Variants in SMPX observed in about 807,000 individuals in gnomAD.
SMPX encodes the protein small muscular protein.
A neutral mutation model predicts 6.3 loss-of-function variants in SMPX; 2 were observed. That is an observed-to-expected ratio of 0.32 (90% confidence interval 0.13 to 0.99). The LOEUF (loss-of-function observed/expected upper bound fraction) is 0.99, where lower values mean the gene tolerates loss of function less well. Among genes scored for constraint, SMPX ranks in the 50% least tolerant of loss-of-function variants. SMPX has a pLI of 0.49. For synonymous variants in SMPX, 32 were observed against 24.7 expected (o/e 1.30, Z -0.88); for missense variants, 60 against 66.8 (o/e 0.90, Z 0.36).
At chrX:21,754,898 A>G (rs1295040650) in intron 1 of SMPX, among the ~76,000 whole-genome samples, 2 of 112,308 alleles carry the variant, frequency 1.8e-5, no homozygotes, top group African/African-American at 3.2e-5. Context: ...CCCCTACCCA[A>G]TGCTTTTGAT....
At chrX:21,715,262 C>CTG (rs34947234) in intron 4 of SMPX, among the ~76,000 whole-genome samples, 10,522 of 94,451 alleles carry the variant, frequency 0.11, 550 homozygotes, top group South Asian at 0.15. Flanking sequence ...TCACTCTGCT[C>CTG]TGTGTGTGTG....
At chrX:21,750,138 C>T (rs1388734486) in intron 2 of SMPX, among the ~76,000 whole-genome samples, 1 of 111,735 alleles carries the variant, frequency 8.9e-6, no homozygotes, top group Non-Finnish European at 1.9e-5. Context: ...CACTTGGTCT[C>T]ATTAGAGAGA....
chrX:21,726,459 T>A (rs1346622746), intron 4 of SMPX, among the ~76,000 whole-genome samples: 2 of 112,628 alleles, frequency 1.8e-5, no homozygotes, highest in East Asian at 5.5e-4. Context: ...ATTCCATTGC[T>A]CCTGGGACTC....
rs752712862 is a variant in SMPX at position 21,741,504 on chromosome X, C to T, written c.132+2246G>A. On this transcript the variant is annotated intron_variant, in intron 3 of 4. Coordinates refer to ENST00000379494, the MANE Select transcript of SMPX (RefSeq NM_014332.3). Reference sequence around the variant, plus strand: ...CCTGAAGCTAATTGACAAAATCCTACTTAACCCACCCTGTGGCCAAGCCAA... The same window carrying T: ...CCTGAAGCTAATTGACAAAATCCTATTTAACCCACCCTGTGGCCAAGCCAA... Among the ~76,000 whole-genome samples, 4 of 111,527 alleles carry T rather than the reference C, an allele frequency of 3.6e-5. No individual in the cohort carries two copies. In the South Asian group the frequency reaches 1.5e-3, roughly 42 times the overall value.
chrX:21,710,651 A>G (rs2092777657), intron 4 of SMPX, among the ~76,000 whole-genome samples: 1 of 111,620 alleles, frequency 9.0e-6, no homozygotes, highest in East Asian at 2.8e-4. Context: ...AATGCATGGA[A>G]TTCTTAACAT....
rs1461445335 is a variant in SMPX, at chrX:21,713,458, T to C, written c.*15-7064A>G. On this transcript the variant is annotated intron_variant, in intron 4 of 4. Coordinates refer to ENST00000379494, the MANE Select transcript of SMPX (RefSeq NM_014332.3). ...TGTGTAATTTATAAAGAAAAAGAGG[T>C]TTGATGGACTCACAGTTCCACATGG... 1.2e-4 allele frequency among the ~76,000 whole-genome samples: 13 copies of C among 111,785 alleles called. 1 individual carries two copies.
At chrX:21,725,679 C>A (rs1243170569) in intron 4 of SMPX, among the ~76,000 whole-genome samples, 5 of 112,164 alleles carry the variant, frequency 4.5e-5, no homozygotes, top group Admixed American at 2.8e-4. Context: ...ATGCCTCCTC[C>A]AGGAGAAAGA....
chrX:21,712,034 C>T (rs1369164172), intron 4 of SMPX, among the ~76,000 whole-genome samples: 1 of 112,149 alleles, frequency 8.9e-6, no homozygotes, highest in Non-Finnish European at 1.9e-5. Context: ...GTGCAAGCTA[C>T]AACTAAGGCT....
At chrX:21,717,618 C>G (rs2092786683) in intron 4 of SMPX, among the ~76,000 whole-genome samples, 1 of 111,950 alleles carries the variant, frequency 8.9e-6, no homozygotes, top group Admixed American at 9.5e-5. Context: ...TGTGGATACA[C>G]TAGTGGACAA....
chrX:21,738,782 A>G (rs1479521226), intron 3 of SMPX, among the ~76,000 whole-genome samples: 1 of 109,886 alleles, frequency 9.1e-6, no homozygotes, highest in African/African-American at 3.3e-5. Flanking sequence ...GAGACTTGGG[A>G]CTCCTCTGCG....
At chrX:21,711,306 T>C (rs2092778462) in intron 4 of SMPX, among the ~76,000 whole-genome samples, 1 of 111,665 alleles carries the variant, frequency 9.0e-6, no homozygotes. Flanking sequence ...TGTCAGGGTG[T>C]TGGAATGCAA....
chrX:21,723,696 A>G lies in SMPX; in HGVS notation c.*14+13853T>C, dbSNP rs887035562. On this transcript the variant is annotated intron_variant, in intron 4 of 4. Transcript: ENST00000379494. ...CAGTTCGCACCATAGCATAGGCTGC[A>G]GGAACTCAACCAGTAATGGAAGGTT... Among the ~76,000 whole-genome samples, 11 of 112,126 alleles carry G rather than the reference A, an allele frequency of 9.8e-5. No individual in the cohort carries two copies. In the East Asian group the frequency reaches 3.1e-3, roughly 32 times the overall value.
At chrX:21,737,196 G>C (rs1358871668) in intron 4 of SMPX, among the ~76,000 whole-genome samples, 2 of 111,430 alleles carry the variant, frequency 1.8e-5, no homozygotes, top group African/African-American at 3.3e-5. Context: ...TGATACCTGG[G>C]TGAGGAAACT....
At chrX:21,734,754 C>T (rs1013872015) in intron 4 of SMPX, among the ~76,000 whole-genome samples, 12 of 111,197 alleles carry the variant, frequency 1.1e-4, no homozygotes, top group African/African-American at 3.9e-4. Context: ...TTTCTGGTGC[C>T]CAACGGGGTA....
chrX:21,715,972 C>G (rs2092784700), intron 4 of SMPX, among the ~76,000 whole-genome samples: 1 of 111,903 alleles, frequency 8.9e-6, no homozygotes, highest in South Asian at 3.8e-4. Flanking sequence ...AAAATGATCT[C>G]AAACCTGAGC....
chrX:21,751,324 A>G (rs1209554843), intron 2 of SMPX, among the ~76,000 whole-genome samples: 4 of 112,364 alleles, frequency 3.6e-5, no homozygotes, highest in African/African-American at 1.3e-4. Flanking sequence ...CCATAAAACT[A>G]GTATTCCAAG....
intron 3 of SMPX, among the ~76,000 whole-genome samples, chrX:21,743,434 T>TACACAC (rs10628502): frequency 9.2e-6 from 1 of 108,590 alleles, no homozygotes; most frequent in Non-Finnish European, 1.9e-5. Flanking sequence ...CACACACGCA[T>TACACAC]ACACACAATC....
chrX:21,723,658 G>A (rs1356016547), intron 4 of SMPX, among the ~76,000 whole-genome samples: 1 of 112,081 alleles, frequency 8.9e-6, no homozygotes, highest in Non-Finnish European at 1.9e-5. Context: ...TGGGTATCCA[G>A]GCACTGTGAC....
At chrX:21,715,812 G>A (rs1350214081) in intron 4 of SMPX, among the ~76,000 whole-genome samples, 8 of 111,442 alleles carry the variant, frequency 7.2e-5, no homozygotes, top group Non-Finnish European at 1.5e-4. Context: ...GGGTACTACT[G>A]GCATTTGGTG....
Sources: gnomAD v4.1 joint callset for allele counts (sites outside exome capture counted in the v4.1 genomes callset) on GRCh38, gnomAD v4.1.1 for gene constraint, MANE v1.5 for transcripts, NCBI Gene and HGNC (gene_info 2026-07-23, HGNC 2026-07-21) for gene names.